SGK1: variants seen among roughly 807,000 people sequenced by gnomAD.
The protein encoded by SGK1 is serine/threonine-protein kinase Sgk1.
A neutral mutation model predicts 64.2 loss-of-function variants in SGK1; 26 were observed. The observed-to-expected ratio is 0.40, with a 90% CI of 0.30 to 0.56. The LOEUF (loss-of-function observed/expected upper bound fraction) is 0.56. Among genes scored for constraint, SGK1 ranks in the 20% least tolerant of loss-of-function variants. SGK1 has a pLI of 0.38. For missense variants in SGK1, 519 were observed against 645.6 expected, an observed-to-expected ratio of 0.80 and a Z score of 2.12; for synonymous variants, 265 against 239.7, an observed-to-expected ratio of 1.11 and a Z score of -0.98.
chr6:134,302,150 A>G (rs1777468307), intron 1 of SGK1, among the ~76,000 whole-genome samples: 1 of 152,248 alleles, frequency 6.6e-6, no homozygotes, highest in Non-Finnish European at 1.5e-5. Context: ...AAGACAGATT[A>G]GAAAACAAAA....
chr6:134,247,573 C>G (rs1027110592), intron 2 of SGK1, among the ~76,000 whole-genome samples: 1 of 152,196 alleles, frequency 6.6e-6, no homozygotes, highest in African/African-American at 2.4e-5. Context: ...TGCACATCCT[C>G]TCAATACTGA....
chr6:134,189,835 G>GTTT (rs35417693), intron 3 of SGK1, among the ~76,000 whole-genome samples: 1 of 151,682 alleles, frequency 6.6e-6, no homozygotes, highest in African/African-American at 2.4e-5. Flanking sequence ...TGTAAGTACT[G>GTTT]TTTTTTTTGG....
intron 1 of SGK1, among the ~76,000 whole-genome samples, chr6:134,280,624 A>G (rs1777079419): frequency 6.6e-6 from 1 of 152,082 alleles, no homozygotes; most frequent in Non-Finnish European, 1.5e-5. Flanking sequence ...TAAATTCTTT[A>G]TGGATTCTTT....
At chr6:134,252,616 C>CAAAAAAAA (rs11418007) in intron 2 of SGK1, among the ~76,000 whole-genome samples, 6 of 65,986 alleles carry the variant, frequency 9.1e-5, no homozygotes, top group Non-Finnish European at 1.0e-4. Context: ...GATTCCACCT[C>CAAAAAAAA]AAAAAAAAAA....
chr6:134,255,154 C>T (rs1776662490), intron 2 of SGK1, among the ~76,000 whole-genome samples: 1 of 152,190 alleles, frequency 6.6e-6, no homozygotes, highest in Non-Finnish European at 1.5e-5. Context: ...CAGGCGTGAG[C>T]CACCGTGCCC....
chr6:134,283,427 G>T (rs1369499032), intron 1 of SGK1, among the ~76,000 whole-genome samples: 1 of 151,978 alleles, frequency 6.6e-6, no homozygotes, highest in African/African-American at 2.4e-5. Flanking sequence ...GAGGGTGGAG[G>T]TTGCAGTGAG....
intron 1 of SGK1, among the ~76,000 whole-genome samples, chr6:134,290,852 G>A (rs1777253837): frequency 6.6e-6 from 1 of 152,128 alleles, no homozygotes; most frequent in Admixed American, 6.6e-5. Context: ...ACATGTGCAG[G>A]GCCCTGCCTG....
intron 8 of SGK1, 63 bp downstream of exon 8, chr6:134,172,960 C>A: frequency 6.5e-7 from 1 of 1,549,520 alleles, no homozygotes; most frequent in Non-Finnish European, 8.7e-7. Context: ...ACTTTTTTCT[C>A]AAACTAAAAC....
rs1775018016 is a variant in SGK1 at position 134,171,347 on chromosome 6, CGTGTGTGTGTTT to C, written c.1168-181_1168-170del. 5.9e-6 allele frequency: 4 copies of C among 682,252 alleles called. No homozygotes were observed. In the Admixed American group the frequency reaches 8.3e-5, roughly 14 times the overall value. 42.3% of individuals were successfully genotyped at this position (682,252 alleles called of 1,614,324 possible). ...CTATTTAAGTGTCTACTTTGCAACC[CGTGTGTGTGTTT>C]GTGTGTGTGTGTGTGGAGGGTGAGG... On this transcript the variant is annotated intron_variant, in intron 11 of 13. Coordinates refer to ENST00000367858, the MANE Select transcript of SGK1 (RefSeq NM_001143676.3).
At chr6:134,290,457 C>CAAT (rs1476577869) in intron 1 of SGK1, among the ~76,000 whole-genome samples, 3 of 150,020 alleles carry the variant, frequency 2.0e-5, no homozygotes, top group African/African-American at 7.3e-5. Context: ...CAAATGACAG[C>CAAT]AATACAAGCT....
intron 3 of SGK1, among the ~76,000 whole-genome samples, chr6:134,188,991 C>T (rs1429835983): frequency 6.6e-6 from 1 of 150,554 alleles, no homozygotes; most frequent in Non-Finnish European, 1.5e-5. Flanking sequence ...AGTGATCCTC[C>T]CACCTTGGTC....
At chr6:134,177,599 C>T in intron 3 of SGK1, 1 of 1,316,400 alleles carries the variant, frequency 7.6e-7, no homozygotes, top group Non-Finnish European at 1.1e-6. Context: ...TATGTGCCTT[C>T]CCCATGCCAA....
At chr6:134,305,363 CAAAAAAAA>C (rs34637536) in intron 1 of SGK1, among the ~76,000 whole-genome samples, 3 of 65,648 alleles carry the variant, frequency 4.6e-5, no homozygotes, top group African/African-American at 2.0e-4. Flanking sequence ...TACTTCATCT[CAAAAAAAA>C]AAAAAAAAAA....
chr6:134,171,939 A>T, intron 10 of SGK1: 1 of 621,498 alleles, frequency 1.6e-6, no homozygotes, highest in Non-Finnish European at 2.8e-6. Flanking sequence ...TGGGCACTTG[A>T]TATCTCTTAC....
In SGK1 at chr6:134,176,895, G is replaced by T. The variant is rs759551652; in HGVS notation, c.362-2309C>A. Among the ~76,000 whole-genome samples the T allele has an allele frequency of 3.4e-4, 51 of 152,152 alleles. 1 individual carries two copies. Among genetic ancestry groups the T allele is most frequent in the Non-Finnish European group, 1.0e-4 (7 of 68,028 alleles). On this transcript the variant is annotated intron_variant, in intron 3 of 13. Coordinates refer to ENST00000367858, the MANE Select transcript of SGK1 (RefSeq NM_001143676.3). ...TCTCTCCTGGAGTCTGGCTGGGAAAGTTTGCTCAGTGCCCACACTTATAAA... is the reference window on the plus strand; with the variant it reads ...TCTCTCCTGGAGTCTGGCTGGGAAATTTTGCTCAGTGCCCACACTTATAAA...
intron 12 of SGK1, 44 bp from the exon 13 acceptor site, chr6:134,170,959 A>AT: frequency 6.2e-7 from 1 of 1,608,544 alleles, no homozygotes; most frequent in Non-Finnish European, 8.5e-7. Flanking sequence ...GGTGCATTCA[A>AT]TAAGGGCAGG....
intron 1 of SGK1, chr6:134,297,546 A>T: frequency 1.9e-6 from 1 of 523,538 alleles, no homozygotes; most frequent in Admixed American, 2.2e-5. Context: ...TCTGTCGCCC[A>T]GGCTGGAGTG....
intron 1 of SGK1, among the ~76,000 whole-genome samples, chr6:134,295,968 A>C (rs771573677): frequency 3.3e-5 from 5 of 152,258 alleles, no homozygotes; most frequent in Non-Finnish European, 5.9e-5. Flanking sequence ...GAATGTAAGC[A>C]TGAGAACAAA....
intron 2 of SGK1, among the ~76,000 whole-genome samples, chr6:134,250,104 G>A (rs776665596): frequency 6.6e-6 from 1 of 152,026 alleles, no homozygotes; most frequent in Non-Finnish European, 1.5e-5. Context: ...TTAAAATCAA[G>A]TCAAAAGGAA....
Sources: allele counts gnomAD v4.1 joint callset (sites outside exome capture counted in the v4.1 genomes callset), GRCh38; gene constraint gnomAD v4.1.1; transcripts MANE v1.5; gene names NCBI Gene and HGNC (gene_info 2026-07-23, HGNC 2026-07-21).